AADAC: variants seen among roughly 807,000 people sequenced by gnomAD.
The protein encoded by AADAC is arylacetamide deacetylase (esterase).
AADAC carries 17 observed loss-of-function variants against 22.7 expected under a neutral mutation model. The ratio of observed to expected loss-of-function variants is 0.75; its 90% confidence interval spans 0.51 to 1.12. The LOEUF (loss-of-function observed/expected upper bound fraction) is 1.12, where lower values mean the gene tolerates loss of function less well. Ranked by LOEUF, AADAC falls within the 50% of genes most tolerant of loss-of-function variation. The pLI, the probability that AADAC is intolerant of heterozygous loss-of-function variation, is 0.00. For missense variants in AADAC, 465 were observed against 473.9 expected (o/e 0.98, Z 0.17); for synonymous variants, 167 against 176.3 (o/e 0.95, Z 0.42).
Position 151,820,447 on chromosome 3 carries a change from A to C in AADAC, c.426A>C (p.Ser142=). The part of the protein sequence containing the change: ...TADRLDAVVV[S]TNYRLAPKYH... ...ACAGACTTGATGCTGTCGTCGTATC[A>C]ACCAAGTAAGAGCTGTGCTGTTTGG... Residue 142 remains serine, a synonymous_variant, in exon 3 of 5, where the codon TCA becomes TCC. Transcript: ENST00000232892. 1 of 1,585,864 alleles carries C rather than the reference A, an allele frequency of 6.3e-7. No individual in the cohort carries two copies.
chr3:151,820,382 G>A lies in AADAC; in HGVS notation c.362-1G>A, dbSNP rs150063056. On this transcript the variant is annotated splice_acceptor_variant, in intron 2 of 4. Coordinates refer to ENST00000232892, the MANE Select transcript of AADAC (RefSeq NM_001086.3). LOFTEE classifies it high-confidence loss of function. ...ATGTTGCTTTTATCCTTTTATTTCA[G>A]CTCTAAGTGGTTATGACTTGCTGTC... 1 of 1,574,282 alleles carries A rather than the reference G, an allele frequency of 6.4e-7. No homozygotes were observed. Among genetic ancestry groups the A allele is most frequent in the Non-Finnish European group, 8.6e-7 (1 of 1,157,898 alleles).
At position 151,828,182 on chromosome 3, in the gene AADAC, T is replaced by G. The variant is rs1670942860; in HGVS notation, c.*10T>G. 7.0e-7 allele frequency: 1 copy of G among 1,431,410 alleles called. No individual in the cohort carries two copies. The highest frequency in any genetic ancestry group is 1.4e-5 in the African/African-American group (1 of 69,772). 88.7% of individuals were successfully genotyped at this position (1,431,410 alleles called of 1,614,324 possible). ...AAAGGAAAATCTATAGTAAAACATGTAGCTATAACATATTTTAAAAATAAA... is the reference window on the plus strand; with the variant it reads ...AAAGGAAAATCTATAGTAAAACATGGAGCTATAACATATTTTAAAAATAAA... On this transcript the variant is annotated 3_prime_UTR_variant, in exon 5 of 5. Coordinates refer to ENST00000232892, the MANE Select transcript of AADAC (RefSeq NM_001086.3).
In AADAC at chr3:151,815,630, TTA is replaced by T. The variant is rs902169772; in HGVS notation, c.138+1340_138+1341del. Among the ~76,000 whole-genome samples the T allele has an allele frequency of 5.0e-4, 76 of 151,970 alleles. 2 individuals are homozygous for T. Among genetic ancestry groups the T allele is most frequent in the African/African-American group, 1.8e-3 (73 of 41,540 alleles). On this transcript the variant is annotated intron_variant, in intron 1 of 4. Coordinates refer to ENST00000232892, the MANE Select transcript of AADAC (RefSeq NM_001086.3). ...TATTAATTTTTATTTATTTAAGCAATTATATATATATTCTTCTCTGGTAGCCT... is the reference window on the plus strand; with the variant it reads ...TATTAATTTTTATTTATTTAAGCAATTATATATATTCTTCTCTGGTAGCCT...
chr3:151,820,231 TATA>T, intron 2 of AADAC, 149 bp from the exon 3 acceptor site: 1 of 445,742 alleles, frequency 2.2e-6, no homozygotes, highest in Non-Finnish European at 4.0e-6. Flanking sequence ...GATGGCTTCT[TATA>T]AATACAGTGT....
At chr3:151,826,806 C>T (rs1288462762) in intron 4 of AADAC, among the ~76,000 whole-genome samples, 1 of 151,936 alleles carries the variant, frequency 6.6e-6, no homozygotes, top group Non-Finnish European at 1.5e-5. Flanking sequence ...AGAAGTCTTG[C>T]CCAAATCTCC....
chr3:151,821,076 C>G (rs1192901306), intron 3 of AADAC, among the ~76,000 whole-genome samples: 2 of 151,624 alleles, frequency 1.3e-5, no homozygotes, highest in East Asian at 3.9e-4. Context: ...CCTTAATTCC[C>G]AGTCTTTAAA....
chr3:151,814,329 G>A (rs766277768), intron 1 of AADAC, 29 bp downstream of exon 1: 2 of 1,596,394 alleles, frequency 1.3e-6, no homozygotes, highest in East Asian at 2.2e-5. Flanking sequence ...GAATTCAGAT[G>A]TGCATACACC....
Position 151,817,438 on chromosome 3 carries a change from G to A in AADAC, c.211G>A (p.Val71Ile), listed in dbSNP as rs1344987591. ...TAAGGTTGTCGGGAGCTTTGATGAA[G>A]TCCCACCAACCTCAGATGAAAATGT... ...SFKVVGSFDEVPPTSDENVTV... is the reference protein window; with the variant it reads ...SFKVVGSFDEIPPTSDENVTV... Residue 71 changes from valine to isoleucine, a missense_variant, in exon 2 of 5, where the codon GTC (valine) becomes ATC (isoleucine). Transcript: ENST00000232892. The A allele has an allele frequency of 3.7e-6, 6 of 1,613,616 alleles. No homozygotes were observed. The East Asian group carries it at 1.1e-4, about 30-fold the overall frequency.
At chr3:151,817,619 C>A in intron 2 of AADAC, 31 bp downstream of exon 2, 1 of 1,595,664 alleles carries the variant, frequency 6.3e-7, no homozygotes, top group Non-Finnish European at 8.6e-7. Flanking sequence ...ATCTCTGTCA[C>A]TGAGGTAGTT....
intron 2 of AADAC, among the ~76,000 whole-genome samples, chr3:151,819,867 A>G (rs1475496037): frequency 6.6e-6 from 1 of 152,016 alleles, no homozygotes; most frequent in Non-Finnish European, 1.5e-5. Context: ...AGTAAGTTCC[A>G]GTGTTTGTTT....
At chr3:151,819,639 T>C (rs561332505) in intron 2 of AADAC, among the ~76,000 whole-genome samples, 1 of 152,110 alleles carries the variant, frequency 6.6e-6, no homozygotes, top group African/African-American at 2.4e-5. Context: ...TAGAAATATG[T>C]TAGCCAAGTA....
At position 151,823,827 on chromosome 3, in the gene AADAC, T is replaced by C. The variant is rs145680052; in HGVS notation, c.432-836T>C. On this transcript the variant is annotated intron_variant, in intron 3 of 4. Coordinates refer to ENST00000232892, the MANE Select transcript of AADAC (RefSeq NM_001086.3). ...TGTACTAGAATATTCATAGCAGCAC[T>C]GTTTGTGCCCAAGACTGCAAGCAGC... is the stretch of plus-strand genomic sequence containing the variant. Among the ~76,000 whole-genome samples the C allele has an allele frequency of 3.4e-3, 521 of 152,146 alleles. 5 individuals are homozygous for C. Among genetic ancestry groups the C allele is most frequent in the African/African-American group, 0.012 (490 of 41,570 alleles).
intron 1 of AADAC, among the ~76,000 whole-genome samples, chr3:151,815,210 A>G (rs1715932599): frequency 6.6e-6 from 1 of 152,042 alleles, no homozygotes; most frequent in African/African-American, 2.4e-5. Flanking sequence ...AGAGTGGGCT[A>G]CTGTATGCAT....
rs1036029222 is a variant in AADAC, at chr3:151,828,280, G to A, written c.*108G>A. 5.2e-6 allele frequency: 3 copies of A among 573,554 alleles called. No individual in the cohort carries two copies. Among genetic ancestry groups the A allele is most frequent in the Non-Finnish European group, 8.1e-6 (3 of 368,926 alleles). 35.5% of individuals were successfully genotyped at this position (573,554 alleles called of 1,614,324 possible). A position where few individuals can be genotyped will look rare whatever the true frequency, so the allele number is the denominator to read the frequency against. ...ATGGTCTAGTTAAGTTCCACATGTAGCATAATTCTTAAATAGGCACTTTTC... is the reference window on the plus strand; with the variant it reads ...ATGGTCTAGTTAAGTTCCACATGTAACATAATTCTTAAATAGGCACTTTTC... On this transcript the variant is annotated 3_prime_UTR_variant, in exon 5 of 5. Transcript: ENST00000232892.
chr3:151,816,774 A>G lies in AADAC; in HGVS notation c.139-592A>G, dbSNP rs368601447. On this transcript the variant is annotated intron_variant, in intron 1 of 4. Coordinates refer to ENST00000232892, the MANE Select transcript of AADAC (RefSeq NM_001086.3). ...AGATGGTTGACACTTTTTTTTTACT[A>G]TCTTGAGGTTACAGAAAGAATGGTG... Among the ~76,000 whole-genome samples the G allele has an allele frequency of 2.6e-3, 388 of 152,042 alleles. 7 individuals are homozygous for G. Among genetic ancestry groups the G allele is most frequent in the Non-Finnish European group, 3.6e-3 (245 of 67,918 alleles).
intron 3 of AADAC, among the ~76,000 whole-genome samples, chr3:151,822,081 AATATC>A (rs1184066112): frequency 1.3e-5 from 2 of 151,988 alleles, no homozygotes; most frequent in Admixed American, 1.3e-4. Context: ...AAAGATGCTC[AATATC>A]ATTAGTCATT....
At chr3:151,825,057 A>G (rs183066102) in intron 4 of AADAC, among the ~76,000 whole-genome samples, 1 of 151,922 alleles carries the variant, frequency 6.6e-6, no homozygotes, top group Admixed American at 6.6e-5. Context: ...GGGAATGTTA[A>G]TTCTTTGGAT....
rs544656176 is a variant in AADAC at position 151,824,191 on chromosome 3, T to C, written c.432-472T>C. ...ATTTGTTCTTCCATGAGTGGCTTATTTCACTTAGCCCATCAACATGTTAAT... is the reference window on the plus strand; with the variant it reads ...ATTTGTTCTTCCATGAGTGGCTTATCTCACTTAGCCCATCAACATGTTAAT... On this transcript the variant is annotated intron_variant, in intron 3 of 4. Coordinates refer to ENST00000232892, the MANE Select transcript of AADAC (RefSeq NM_001086.3). Among the ~76,000 whole-genome samples the C allele has an allele frequency of 2.6e-5, 4 of 152,136 alleles. No individual in the cohort carries two copies. The South Asian group carries it at 8.3e-4, about 32-fold the overall frequency.
chr3:151,817,221 T>C (rs1354147840), intron 1 of AADAC, 145 bp from the exon 2 acceptor site: 7 of 694,124 alleles, frequency 1.0e-5, no homozygotes, highest in Non-Finnish European at 1.7e-5. Context: ...TCTGGTTTCT[T>C]TTAAAAGGAC....
Sources: gnomAD v4.1 joint callset for allele counts (sites outside exome capture counted in the v4.1 genomes callset) on GRCh38, gnomAD v4.1.1 for gene constraint, MANE v1.5 for transcripts, NCBI Gene and HGNC (gene_info 2026-07-23, HGNC 2026-07-21) for gene names.